Variants in SEMA3E observed in about 807,000 individuals in gnomAD.
The protein encoded by SEMA3E is semaphorin-3E.
In SEMA3E, 49 loss-of-function variants were observed where a neutral mutation model predicts 93.6. The ratio of observed to expected loss-of-function variants is 0.52; its 90% CI spans 0.42 to 0.66. SEMA3E has a LOEUF of 0.66. Ranked by LOEUF, SEMA3E falls within the 30% of genes least tolerant of loss-of-function variation. The pLI is 0.00. For missense variants in SEMA3E, 906 were observed against 964.8 expected (o/e 0.94, Z 0.81); for synonymous variants, 363 against 330.7 (o/e 1.10, Z -1.06).
chr7:83,429,465 G>A (rs758597406), intron 4 of SEMA3E, among the ~76,000 whole-genome samples: 2 of 152,146 alleles, frequency 1.3e-5, no homozygotes, highest in Non-Finnish European at 2.9e-5. Context: ...ATGCCACGGT[G>A]TCCTAGAGTA....
chr7:83,430,688 G>A (rs1044820373), intron 4 of SEMA3E, among the ~76,000 whole-genome samples: 14 of 152,074 alleles, frequency 9.2e-5, no homozygotes, highest in Non-Finnish European at 2.9e-5. Flanking sequence ...GGGGCTGGGG[G>A]AGATGGGAGG....
intron 1 of SEMA3E, among the ~76,000 whole-genome samples, chr7:83,620,130 G>T (rs1268962846): frequency 1.3e-5 from 2 of 151,830 alleles, no homozygotes; most frequent in Non-Finnish European, 2.9e-5. Context: ...TGAATAAAGT[G>T]ATAGGAATGA....
chr7:83,375,448 T>A (rs1250099740), intron 16 of SEMA3E, among the ~76,000 whole-genome samples: 2 of 152,098 alleles, frequency 1.3e-5, no homozygotes, highest in Non-Finnish European at 2.9e-5. Context: ...TAATGCCTGA[T>A]AATAGTTCAA....
intron 4 of SEMA3E, among the ~76,000 whole-genome samples, chr7:83,432,683 G>T (rs1788913785): frequency 6.6e-6 from 1 of 152,082 alleles, no homozygotes; most frequent in Admixed American, 6.5e-5. Flanking sequence ...GCATTAATTA[G>T]TGCCATGATT....
chr7:83,419,424 C>G (rs1227903494), intron 4 of SEMA3E, among the ~76,000 whole-genome samples: 2 of 152,114 alleles, frequency 1.3e-5, no homozygotes, highest in African/African-American at 2.4e-5. Flanking sequence ...TAGAATGATT[C>G]ATTTTCCTTT....
intron 1 of SEMA3E, among the ~76,000 whole-genome samples, chr7:83,521,676 C>T (rs1791051649): frequency 6.6e-6 from 1 of 151,960 alleles, no homozygotes; most frequent in Non-Finnish European, 1.5e-5. Context: ...GTTTTCTTCC[C>T]GGCTTGAATA....
chr7:83,545,669 G>C (rs1050509203), intron 1 of SEMA3E, among the ~76,000 whole-genome samples: 1 of 150,638 alleles, frequency 6.6e-6, no homozygotes, highest in African/African-American at 2.4e-5. Context: ...GGGCTCTCTT[G>C]CCTCTACTGG....
chr7:83,539,870 T>C (rs1562824665), intron 1 of SEMA3E, among the ~76,000 whole-genome samples: 1 of 150,012 alleles, frequency 6.7e-6, no homozygotes, highest in Admixed American at 6.7e-5. Flanking sequence ...TGTGTGTGTG[T>C]GTGTGTGTGT....
intron 1 of SEMA3E, among the ~76,000 whole-genome samples, chr7:83,584,845 T>A (rs552578155): frequency 6.6e-6 from 1 of 152,140 alleles, no homozygotes; most frequent in Non-Finnish European, 1.5e-5. Flanking sequence ...TCCACTCTTG[T>A]CACCTCCAAT....
chr7:83,466,402 AGAAAT>A, intron 4 of SEMA3E, 75 bp downstream of exon 4: 1 of 1,519,264 alleles, frequency 6.6e-7, no homozygotes, highest in Non-Finnish European at 9.1e-7. Context: ...TTTCTTGGGA[AGAAAT>A]GCTGTAGTCT....
chr7:83,609,335 T>C (rs1036317771), intron 1 of SEMA3E, among the ~76,000 whole-genome samples: 1 of 152,038 alleles, frequency 6.6e-6, no homozygotes, highest in Non-Finnish European at 1.5e-5. Flanking sequence ...CTGTCTACTT[T>C]AAACACATGT....
chr7:83,428,651 A>T (rs73172380), intron 4 of SEMA3E, among the ~76,000 whole-genome samples: 37 of 152,192 alleles, frequency 2.4e-4, no homozygotes, highest in Admixed American at 2.4e-3. Context: ...CAAAGACTAA[A>T]TAAACAAGCA....
intron 16 of SEMA3E, among the ~76,000 whole-genome samples, chr7:83,369,852 A>G (rs1482276383): frequency 6.6e-6 from 1 of 152,166 alleles, no homozygotes; most frequent in African/African-American, 2.4e-5. Context: ...AGCTTTCTCC[A>G]TAACTTTACC....
chr7:83,621,629 T>C (rs1351423041), intron 1 of SEMA3E, among the ~76,000 whole-genome samples: 1 of 152,192 alleles, frequency 6.6e-6, no homozygotes, highest in Admixed American at 6.5e-5. Context: ...ACCATGGTAC[T>C]GGTACAAAAA....
intron 1 of SEMA3E, among the ~76,000 whole-genome samples, chr7:83,567,988 C>T (rs1281487075): frequency 6.6e-6 from 1 of 151,544 alleles, no homozygotes; most frequent in Non-Finnish European, 1.5e-5. Flanking sequence ...AATTGATAAA[C>T]TGCTAGTCTA....
chr7:83,557,066 G>C lies in SEMA3E; in HGVS notation c.116-66792C>G, dbSNP rs1791911026. On this transcript the variant is annotated intron_variant, in intron 1 of 16. Transcript: ENST00000643230. Reference sequence around the variant, plus strand: ...ACCCAGTCTCAGGTATTTTGTTATAGCAGCATAAACCAATTAAGACATTTA... The same window carrying C: ...ACCCAGTCTCAGGTATTTTGTTATACCAGCATAAACCAATTAAGACATTTA... Among the ~76,000 whole-genome samples, 3 of 152,112 alleles carry C rather than the reference G, an allele frequency of 2.0e-5. No homozygotes were observed. The South Asian group carries it at 6.2e-4, about 31-fold the overall frequency.
At chr7:83,590,033 A>G (rs1202664325) in intron 1 of SEMA3E, among the ~76,000 whole-genome samples, 1 of 152,074 alleles carries the variant, frequency 6.6e-6, no homozygotes, top group Non-Finnish European at 1.5e-5. Flanking sequence ...TCTTTTTTGG[A>G]TTGCAGAAAT....
intron 1 of SEMA3E, among the ~76,000 whole-genome samples, chr7:83,632,049 G>GGTTT (rs1224720303): frequency 6.6e-6 from 1 of 151,966 alleles, no homozygotes; most frequent in Non-Finnish European, 1.5e-5. Context: ...TGGCTAGTCA[G>GGTTT]GAGGTTGAGG....
intron 4 of SEMA3E, among the ~76,000 whole-genome samples, chr7:83,454,272 A>ATATATATATATATATATATATATAT (rs1554327288): frequency 9.1e-6 from 1 of 110,136 alleles, no homozygotes; most frequent in African/African-American, 4.3e-5. Context: ...AAAAAAAAAA[A>ATATATATATATATATATATATATAT]ATATATATAT....
Sources: gnomAD v4.1 joint callset for allele counts (sites outside exome capture counted in the v4.1 genomes callset) on GRCh38, gnomAD v4.1.1 for gene constraint, MANE v1.5 for transcripts, NCBI Gene and HGNC (gene_info 2026-07-23, HGNC 2026-07-21) for gene names.